Variants in NCKAP5L observed in about 807,000 individuals in gnomAD.
NCKAP5L encodes the protein NCK associated protein 5 like.
NCKAP5L carries 54 observed loss-of-function variants against 103.2 expected under a neutral mutation model. That is an observed-to-expected ratio of 0.52 (90% CI 0.42 to 0.66). NCKAP5L has a LOEUF of 0.66. NCKAP5L is among the 30% of genes least tolerant of loss of function. The pLI, the probability that NCKAP5L is intolerant of heterozygous loss-of-function variation, is 0.00. For missense variants in NCKAP5L, 1,733 were observed against 1,750.6 expected (o/e 0.99, Z 0.18); for synonymous variants, 762 against 748.6 (o/e 1.02, Z -0.29).
Position 49,795,336 on chromosome 12 carries a change from G to T in NCKAP5L, c.2524C>A (p.Pro842Thr), listed in dbSNP as rs1470061845. 2 of 1,538,064 alleles carry T rather than the reference G, an allele frequency of 1.3e-6. No homozygotes were observed. Among genetic ancestry groups the T allele is most frequent in the Non-Finnish European group, 8.7e-7 (1 of 1,147,430 alleles). The change falls in exon 8 of 13, where the codon CCT (proline) becomes ACT (threonine). Residue 842 changes from proline (P) to threonine (T), a missense_variant. By Grantham distance (38) the Pro-to-Thr change is conservative. Transcript: ENST00000335999. Reference protein sequence around the residue: ...APLVTKESPKPDKGKGPPWAD... With the variant: ...APLVTKESPKTDKGKGPPWAD... ...CAGGGAGGGCCCTTCCCTTTGTCAG[G>T]CTTGGGGGACTCCTTGGTGACTAGC...
intron 1 of NCKAP5L, among the ~76,000 whole-genome samples, chr12:49,808,283 C>T (rs185415020): frequency 3.3e-5 from 5 of 152,270 alleles, no homozygotes; most frequent in African/African-American, 1.2e-4. Flanking sequence ...CTCAGAGTGC[C>T]CCAGCTGGAG....
intron 8 of NCKAP5L, among the ~76,000 whole-genome samples, 199 bp from the exon 9 acceptor site, chr12:49,794,095 A>C (rs1945986439): frequency 6.6e-6 from 1 of 152,184 alleles, no homozygotes; most frequent in Admixed American, 6.5e-5. Flanking sequence ...ACCCCAGAGG[A>C]ACAGAGGGCA....
intron 1 of NCKAP5L, among the ~76,000 whole-genome samples, chr12:49,809,010 G>A (rs1196066163): frequency 2.6e-5 from 4 of 152,032 alleles, no homozygotes; most frequent in Non-Finnish European, 5.9e-5. Context: ...GGAGAAGAGC[G>A]GAGTCCTCTC....
In NCKAP5L at chr12:49,824,999, C is replaced by A. The variant is rs555085197; in HGVS notation, c.-99+3323G>T. ...TCTGCCTTAAATCCAGCCAGGCTAC[C>A]TCATGCATAAAACATTAACGCAGAA... On this transcript the variant is annotated intron_variant, in intron 1 of 12. Coordinates refer to ENST00000335999, the MANE Select transcript of NCKAP5L (RefSeq NM_001037806.4). 5.6e-4 allele frequency among the ~76,000 whole-genome samples: 85 copies of A among 152,314 alleles called. 1 individual carries two copies. In the South Asian group the frequency reaches 0.017, roughly 30 times the overall value.
Position 49,791,653 on chromosome 12 carries a change from A to G in NCKAP5L, c.*186T>C. On this transcript the variant is annotated 3_prime_UTR_variant, in exon 13 of 13. Transcript: ENST00000335999. ...GGCGGGGTCTCTCCCTGAGCTGAGCACGGTCATCTCATCCGCCGAAGCAGT... is the reference window on the plus strand; with the variant it reads ...GGCGGGGTCTCTCCCTGAGCTGAGCGCGGTCATCTCATCCGCCGAAGCAGT... The G allele has an allele frequency of 1.8e-6, 1 of 553,628 alleles. No individual in the cohort carries two copies. Among genetic ancestry groups the G allele is most frequent in the South Asian group, 2.5e-5 (1 of 39,256 alleles). The allele number at this position is 553,628 out of a possible 1,614,324, so 34.3% of individuals were successfully genotyped here. A position where few individuals can be genotyped will look rare whatever the true frequency, so the allele number is the denominator to read the frequency against.
intron 2 of NCKAP5L, chr12:49,805,206 A>G (rs1946166865): frequency 1.3e-5 from 2 of 152,112 alleles, no homozygotes; most frequent in Admixed American, 1.3e-4. Context: ...CAGACAGTCA[A>G]CTCCGTGAGG....
intron 1 of NCKAP5L, among the ~76,000 whole-genome samples, chr12:49,810,313 C>A (rs1435017807): frequency 6.6e-6 from 1 of 152,216 alleles, no homozygotes; most frequent in Non-Finnish European, 1.5e-5. Context: ...GCCGTCCTAG[C>A]CCAGCCGAGG....
Position 49,795,758 on chromosome 12 carries a change from G to A in NCKAP5L, c.2102C>T (p.Ser701Leu). The part of the protein sequence containing the change: ...GTEKTRGPGK[S>L]GESAGDMVPS... The stretch of plus-strand genomic sequence containing the variant: ...CACCATGTCTCCAGCACTCTCCCCT[G>A]ACTTCCCAGGTCCCCGGGTCTTTTC... The change falls in exon 8 of 13, where the codon TCA (serine) becomes TTA (leucine). Residue 701 changes from serine (S) to leucine (L), a missense_variant. Physicochemically the swap from Ser to Leu is moderately radical, Grantham distance 145 (BLOSUM62 -2). Coordinates refer to ENST00000335999, the MANE Select transcript of NCKAP5L (RefSeq NM_001037806.4). The A allele has an allele frequency of 6.3e-7, 1 of 1,595,946 alleles. No individual in the cohort carries two copies. Among genetic ancestry groups the A allele is most frequent in the South Asian group, 1.1e-5 (1 of 88,304 alleles).
Position 49,793,722 on chromosome 12 carries a change from C to T in NCKAP5L, c.3258+12G>A. 6.5e-7 allele frequency: 1 copy of T among 1,541,278 alleles called. No individual in the cohort carries two copies. The highest frequency in any genetic ancestry group is 8.7e-7 in the Non-Finnish European group (1 of 1,143,570). The stretch of plus-strand genomic sequence containing the variant: ...CCAGGCCGTCCACCCAGTCCCTACC[C>T]CAAGAACTTACCTTTCCAGGAGGTT... On this transcript the variant is annotated intron_variant, in intron 9 of 12. Coordinates refer to ENST00000335999, the MANE Select transcript of NCKAP5L (RefSeq NM_001037806.4).
Position 49,803,075 on chromosome 12 carries a change from G to T in NCKAP5L, c.192+22C>A, listed in dbSNP as rs150299517. 1.9e-4 allele frequency: 301 copies of T among 1,614,194 alleles called. 1 individual carries two copies. In the East Asian group the frequency reaches 3.8e-3, roughly 20 times the overall value. ...GGAGCAGATGAGCCACATCCCCCCAGTCCCACTACAGACCCACAGACCTCG... is the reference window on the plus strand; with the variant it reads ...GGAGCAGATGAGCCACATCCCCCCATTCCCACTACAGACCCACAGACCTCG... On this transcript the variant is annotated intron_variant, in intron 4 of 12. Transcript: ENST00000335999.
At chr12:49,808,657 C>A (rs930380731) in intron 1 of NCKAP5L, among the ~76,000 whole-genome samples, 2 of 152,326 alleles carry the variant, frequency 1.3e-5, no homozygotes, top group South Asian at 4.1e-4. Context: ...ATGGGGGATG[C>A]CTGCCCAGGC....
At chr12:49,824,938 A>C (rs1304662788) in intron 1 of NCKAP5L, among the ~76,000 whole-genome samples, 2 of 152,196 alleles carry the variant, frequency 1.3e-5, no homozygotes, top group Non-Finnish European at 2.9e-5. Flanking sequence ...CCAAGGGCCC[A>C]GCTTTCTGCT....
chr12:49,793,568 G>T, intron 9 of NCKAP5L, 135 bp from the exon 10 acceptor site: 1 of 1,219,860 alleles, frequency 8.2e-7, no homozygotes, highest in Non-Finnish European at 1.1e-6. Context: ...GGATCTGAGA[G>T]CCCCTGCAGA....
chr12:49,819,068 C>T (rs1038536905), intron 1 of NCKAP5L, among the ~76,000 whole-genome samples: 13 of 151,030 alleles, frequency 8.6e-5, no homozygotes, highest in African/African-American at 2.2e-4. Context: ...TGCAGTGGCT[C>T]GCGCCTGTAA....
At chr12:49,809,574 C>T (rs1223308487) in intron 1 of NCKAP5L, among the ~76,000 whole-genome samples, 1 of 152,166 alleles carries the variant, frequency 6.6e-6, no homozygotes, top group East Asian at 1.9e-4. Context: ...CCGCACCCTC[C>T]CCAGCTGCTT....
At chr12:49,826,663 T>C (rs1946419667) in intron 1 of NCKAP5L, among the ~76,000 whole-genome samples, 1 of 152,122 alleles carries the variant, frequency 6.6e-6, no homozygotes, top group Non-Finnish European at 1.5e-5. Context: ...CTACTGACAT[T>C]TAAAGATGGG....
chr12:49,804,424 A>G (rs376809927), intron 2 of NCKAP5L: 7 of 158,214 alleles, frequency 4.4e-5, no homozygotes, highest in African/African-American at 1.4e-4. Flanking sequence ...GTTTGCAAAC[A>G]AAGATTAGGT....
At position 49,803,084 on chromosome 12, in the gene NCKAP5L, C is replaced by T; in HGVS notation, c.192+13G>A. ...GAGCCACATCCCCCCAGTCCCACTA[C>T]AGACCCACAGACCTCGTCCAGACAG... On this transcript the variant is annotated intron_variant, in intron 4 of 12. Transcript: ENST00000335999. 6.2e-7 allele frequency: 1 copy of T among 1,614,264 alleles called. No individual in the cohort carries two copies. Among genetic ancestry groups the T allele is most frequent in the Non-Finnish European group, 8.5e-7 (1 of 1,180,048 alleles).
At chr12:49,827,383 A>G (rs1946429754) in intron 1 of NCKAP5L, among the ~76,000 whole-genome samples, 4 of 152,246 alleles carry the variant, frequency 2.6e-5, no homozygotes, top group Admixed American at 6.5e-5. Flanking sequence ...GCAGCTGGAC[A>G]GACTAAGTGG....
Sources: allele counts gnomAD v4.1 joint callset (sites outside exome capture counted in the v4.1 genomes callset), GRCh38; gene constraint gnomAD v4.1.1; transcripts MANE v1.5; gene names NCBI Gene and HGNC (gene_info 2026-07-23, HGNC 2026-07-21).